The following KLHL34 variants were observed in gnomAD, a reference collection of about 807,000 sequenced individuals.
KLHL34 encodes kelch-like protein 34.
A neutral mutation model predicts 23.8 loss-of-function variants in KLHL34; 24 were observed. The observed-to-expected ratio is 1.01, with a 90% CI of 0.73 to 1.42. KLHL34 has a LOEUF of 1.42. Ranked by LOEUF, KLHL34 falls within the 40% of genes most tolerant of loss-of-function variation. KLHL34 has a pLI of 0.00. For synonymous variants in KLHL34, 303 were observed against 287.9 expected (o/e 1.05, Z -0.53); for missense variants, 652 against 595.1 (o/e 1.10, Z -0.99).
At position 21,656,036 on chromosome X, in the gene KLHL34, G is replaced by A. The variant is rs777962151; in HGVS notation, c.1753C>T (p.Arg585Cys). 7.5e-6 allele frequency: 9 copies of A among 1,195,766 alleles called. No individual in the cohort carries two copies. The East Asian group carries it at 2.4e-4, about 32-fold the overall frequency. The change falls in exon 1 of 1, where the codon CGC becomes TGC. Residue 585 changes from arginine (R) to cysteine (C), a missense_variant. Physicochemically the swap from Arg to Cys is radical, Grantham distance 180. Transcript: ENST00000379499. ...LLGGLKWRDS[R>C]QVPTRNVVGY... The stretch of plus-strand genomic sequence containing the variant: ...ACTACGTTGCGGGTAGGCACCTGGC[G>A]CGAGTCCCGCCACTTGAGGCCGCCC...
In KLHL34 at chrX:21,657,397, C is replaced by T. The variant is rs746297690; in HGVS notation, c.392G>A (p.Cys131Tyr). The T allele has an allele frequency of 1.7e-6, 2 of 1,179,447 alleles. No homozygotes were observed. The highest frequency in any genetic ancestry group is 1.9e-5 in the South Asian group (1 of 53,187). Residue 131 changes from cysteine (C) to tyrosine (Y), a missense_variant, in exon 1 of 1, where the codon TGC becomes TAC. Cys to Tyr is a radical substitution (Grantham distance 194). Coordinates refer to ENST00000379499, the MANE Select transcript of KLHL34 (RefSeq NM_153270.3). Reference sequence around the variant, plus strand: ...CGCTGCCACGTTGGCGGCGAAGCAGCAGTTCTCTGGAGCCAGCTGGCGCTC... The same window carrying T: ...CGCTGCCACGTTGGCGGCGAAGCAGTAGTTCTCTGGAGCCAGCTGGCGCTC... ...YLERQLAPEN[C>Y]CFAANVAARF...
chrX:21,657,132 C>G lies in KLHL34; in HGVS notation c.657G>C (p.Leu219Phe). Reference protein sequence around the residue: ...TTERLAHCTELLERVRFGLVP... With the variant: ...TTERLAHCTEFLERVRFGLVP... The stretch of plus-strand genomic sequence containing the variant: ...CCAGGCCAAAGCGGACACGCTCCAG[C>G]AACTCTGTACAGTGTGCCAGGCGCT... Residue 219 changes from leucine to phenylalanine, a missense_variant, in exon 1 of 1, where the codon TTG (leucine) becomes TTC (phenylalanine). Physicochemically the swap from Leu to Phe is conservative, Grantham distance 22. Coordinates refer to ENST00000379499, the MANE Select transcript of KLHL34 (RefSeq NM_153270.3). 4 of 1,206,359 alleles carry G rather than the reference C, an allele frequency of 3.3e-6. No individual in the cohort carries two copies. Among genetic ancestry groups the G allele is most frequent in the Non-Finnish European group, 4.5e-6 (4 of 894,082 alleles).
In KLHL34 at chrX:21,657,231, G is replaced by A. The variant is rs1268341987; in HGVS notation, c.558C>T (p.Pro186=). 1 of 1,190,573 alleles carries A rather than the reference G, an allele frequency of 8.4e-7. No individual in the cohort carries two copies. The highest frequency in any genetic ancestry group is 1.7e-5 in the African/African-American group (1 of 57,322). The change falls in exon 1 of 1, where the codon CCC becomes CCT. Residue 186 remains proline, a synonymous_variant. Transcript: ENST00000379499. The stretch of plus-strand genomic sequence containing the variant: ...GGGCCTCGGGCACCCGCGCCACGTC[G>A]GGGGCACCCAGTACAGCCCTCAGCG... The part of the protein sequence containing the change: ...PTSLRAVLGA[P]DVARVPEARL...
chrX:21,657,298 C>G lies in KLHL34; in HGVS notation c.491G>C (p.Arg164Pro). The G allele has an allele frequency of 8.7e-7, 1 of 1,153,864 alleles. No individual in the cohort carries two copies. The highest frequency in any genetic ancestry group is 1.2e-6 in the Non-Finnish European group (1 of 869,216). The change falls in exon 1 of 1, where the codon CGG becomes CCG. Residue 164 changes from arginine (R) to proline (P), a missense_variant. Arg to Pro is a moderately radical substitution (Grantham distance 103, BLOSUM62 -2). Transcript: ENST00000379499. The stretch of plus-strand genomic sequence containing the variant: ...CAGGAGTCCCGCGGGGCCCGCGCCC[C>G]GCGCCAGCAGCTCCTGCAAGTGGCT... The part of the protein sequence containing the change: ...IVSHLQELLA[R>P]GAGPAGLLEL...
rs769092621 is a variant in KLHL34, at chrX:21,656,801, A to G, written c.988T>C (p.Trp330Arg). 7 of 1,183,593 alleles carry G rather than the reference A, an allele frequency of 5.9e-6. No homozygotes were observed. The highest frequency in any genetic ancestry group is 2.3e-5 in the Admixed American group (1 of 43,740). Reference protein sequence around the residue: ...ELEEEEEEEEWELTQNVVAFD... With the variant: ...ELEEEEEEEERELTQNVVAFD... ...GCCACCACGTTCTGGGTGAGCTCCC[A>G]CTCCTCCTCCTCCTCCTCTTCCTCC... Residue 330 changes from tryptophan to arginine, a missense_variant, in exon 1 of 1, where the codon TGG becomes CGG. Physicochemically the swap from Trp to Arg is moderately radical, Grantham distance 101. Coordinates refer to ENST00000379499, the MANE Select transcript of KLHL34 (RefSeq NM_153270.3).
rs1276945685 is a variant in KLHL34 at position 21,656,435 on chromosome X, G to T, written c.1354C>A (p.Arg452Ser). 8.4e-7 allele frequency: 1 copy of T among 1,192,522 alleles called. No individual in the cohort carries two copies. Among genetic ancestry groups the T allele is most frequent in the Non-Finnish European group, 1.1e-6 (1 of 887,946 alleles). Residue 452 changes from arginine (R) to serine (S), a missense_variant, in exon 1 of 1, where the codon CGC becomes AGC. Arg to Ser is a moderately radical substitution (Grantham distance 110, BLOSUM62 -1). Coordinates refer to ENST00000379499, the MANE Select transcript of KLHL34 (RefSeq NM_153270.3). ...GGTAGTGCCCCAGCCGCCGTCCAGC[G>T]GTCCCGACGCAGGTCGTACATCTCC... The part of the protein sequence containing the change: ...SVEMYDLRRD[R>S]WTAAGALPRA...
rs1486301548 is a variant in KLHL34, at chrX:21,656,955, G to A, written c.834C>T (p.Pro278=). 3.5e-6 allele frequency: 4 copies of A among 1,157,819 alleles called. No individual in the cohort carries two copies. The African/African-American group carries it at 7.2e-5, about 21-fold the overall frequency. ...MQGEQTSIRS[P]QTRILLVGGR... ...CCCCCACCAACAAGATGCGGGTCTG[G>A]GGGCTCCGGATGCTGGTCTGCTCGC... Residue 278 remains proline, a synonymous_variant, in exon 1 of 1, where the codon CCC becomes CCT. Coordinates refer to ENST00000379499, the MANE Select transcript of KLHL34 (RefSeq NM_153270.3).
rs2092730690 is a variant in KLHL34 at position 21,655,609 on chromosome X, TTTTC to T, written c.*241_*244del. ...AGCCTTGCGTGAGCCTTTCTAAAAA[TTTTC>T]TTTCACCAGCTCACTGAAGTTGATT... On this transcript the variant is annotated 3_prime_UTR_variant, in exon 1 of 1. Transcript: ENST00000379499. 2.8e-6 allele frequency: 1 copy of T among 363,036 alleles called. No homozygotes were observed. 29.9% of individuals were successfully genotyped at this position (363,036 alleles called of 1,213,427 possible). A position where few individuals can be genotyped will look rare whatever the true frequency, so the allele number is the denominator to read the frequency against.
rs1472786623 is a variant in KLHL34, at chrX:21,657,491, C to T, written c.298G>A (p.Glu100Lys). 1 of 1,211,396 alleles carries T rather than the reference C, an allele frequency of 8.3e-7. No individual in the cohort carries two copies. The highest frequency in any genetic ancestry group is 1.8e-5 in the South Asian group (1 of 56,844). Residue 100 changes from glutamate (E) to lysine (K), a missense_variant, in exon 1 of 1, where the codon GAG becomes AAG. Physicochemically the swap from Glu to Lys is moderately conservative, Grantham distance 56. Transcript: ENST00000379499. ...AWLSLSMDTV[E>K]DTLEAASYLQ... ...TAGCTGGCGGCCTCCAGAGTGTCCT[C>T]TACAGTGTCCATGGAAAGCGACAGC...
rs2092733022 is a variant in KLHL34 at position 21,656,516 on chromosome X, C to T, written c.1273G>A (p.Glu425Lys). 2 of 1,194,209 alleles carry T rather than the reference C, an allele frequency of 1.7e-6. No homozygotes were observed. Among genetic ancestry groups the T allele is most frequent in the South Asian group, 1.8e-5 (1 of 54,927 alleles). Reference protein sequence around the residue: ...RAHFWCGAVGERLLAVGGLGA... With the variant: ...RAHFWCGAVGKRLLAVGGLGA... ...AGGCCCCCGACGGCCAGGAGCCTCTCGCCCACCGCGCCGCACCAGAAGTGG... is the reference window on the plus strand; with the variant it reads ...AGGCCCCCGACGGCCAGGAGCCTCTTGCCCACCGCGCCGCACCAGAAGTGG... Residue 425 changes from glutamate to lysine, a missense_variant, in exon 1 of 1, where the codon GAG becomes AAG. By Grantham distance (56) the Glu-to-Lys change is moderately conservative. Coordinates refer to ENST00000379499, the MANE Select transcript of KLHL34 (RefSeq NM_153270.3).
chrX:21,656,407 C>A lies in KLHL34; in HGVS notation c.1382G>T (p.Arg461Leu). 1 of 1,194,598 alleles carries A rather than the reference C, an allele frequency of 8.4e-7. No homozygotes were observed. Among genetic ancestry groups the A allele is most frequent in the South Asian group, 1.8e-5 (1 of 54,738 alleles). Residue 461 changes from arginine to leucine, a missense_variant, in exon 1 of 1, where the codon CGG (arginine) becomes CTG (leucine). Physicochemically the swap from Arg to Leu is moderately radical, Grantham distance 102. Coordinates refer to ENST00000379499, the MANE Select transcript of KLHL34 (RefSeq NM_153270.3). ...GGCCCCCGCGTGACCGTGCAGAGCCCGCGGTAGTGCCCCAGCCGCCGTCCA... is the reference window on the plus strand; with the variant it reads ...GGCCCCCGCGTGACCGTGCAGAGCCAGCGGTAGTGCCCCAGCCGCCGTCCA... ...DRWTAAGALP[R>L]ALHGHAGAVG...
At position 21,658,039 on chromosome X, in the gene KLHL34, T is replaced by G. The variant is rs749569497; in HGVS notation, c.-251A>C. ...CCCCTAGTAACGGAGGGCGCGGAAT[T>G]TGGAGGCTTCCCGGGAGTGTGGGGC... On this transcript the variant is annotated 5_prime_UTR_variant, in exon 1 of 1. Coordinates refer to ENST00000379499, the MANE Select transcript of KLHL34 (RefSeq NM_153270.3). 2.2e-4 allele frequency: 77 copies of G among 342,933 alleles called. No homozygotes were observed. The highest frequency in any genetic ancestry group is 1.8e-3 in the African/African-American group (70 of 38,412). 28.3% of individuals were successfully genotyped at this position (342,933 alleles called of 1,213,427 possible).
rs767416363 is a variant in KLHL34, at chrX:21,656,887, G to A, written c.902C>T (p.Pro301Leu). The A allele has an allele frequency of 1.7e-6, 2 of 1,173,771 alleles. No homozygotes were observed. The highest frequency in any genetic ancestry group is 4.0e-5 in the South Asian group (2 of 50,010). The change falls in exon 1 of 1, where the codon CCG becomes CTG. Residue 301 changes from proline to leucine, a missense_variant. Coordinates refer to ENST00000379499, the MANE Select transcript of KLHL34 (RefSeq NM_153270.3). ...REVVIEEVAA[P>L]QRAARGQVAA... ...GACCTGGCCCCTAGCTGCCCTCTGC[G>A]GGGCCGCGACCTCCTCAATCACCAC...
rs1266556673 is a variant in KLHL34, at chrX:21,656,788, T to A, written c.1001A>T (p.Gln334Leu). The A allele has an allele frequency of 4.2e-6, 5 of 1,195,849 alleles. No homozygotes were observed. Among genetic ancestry groups the A allele is most frequent in the Non-Finnish European group, 5.6e-6 (5 of 887,424 alleles). ...GTACACATCGAAGGCCACCACGTTC[T>A]GGGTGAGCTCCCACTCCTCCTCCTC... ...EEEEEEWELTQNVVAFDVYNH... is the reference protein window; with the variant it reads ...EEEEEEWELTLNVVAFDVYNH... The change falls in exon 1 of 1, where the codon CAG (glutamine) becomes CTG (leucine). Residue 334 changes from glutamine to leucine, a missense_variant. Coordinates refer to ENST00000379499, the MANE Select transcript of KLHL34 (RefSeq NM_153270.3).
rs1482662897 is a variant in KLHL34 at position 21,657,474 on chromosome X, G to A, written c.315C>T (p.Ala105=). The change falls in exon 1 of 1, where the codon GCC becomes GCT. Residue 105 remains alanine (A), a synonymous_variant. Coordinates refer to ENST00000379499, the MANE Select transcript of KLHL34 (RefSeq NM_153270.3). ...SMDTVEDTLE[A]ASYLQVTEAL... ...CCTCAGTGACCTGCAGGTAGCTGGC[G>A]GCCTCCAGAGTGTCCTCTACAGTGT... is the stretch of plus-strand genomic sequence containing the variant. 1.7e-6 allele frequency: 2 copies of A among 1,209,959 alleles called. No individual in the cohort carries two copies. Among genetic ancestry groups the A allele is most frequent in the Non-Finnish European group, 2.2e-6 (2 of 894,838 alleles).
Position 21,656,847 on chromosome X carries a change from G to C in KLHL34, c.942C>G (p.Pro314=), listed in dbSNP as rs1602081820. The change falls in exon 1 of 1, where the codon CCC becomes CCG. Residue 314 remains proline (P), a synonymous_variant. Transcript: ENST00000379499. Reference sequence around the variant, plus strand: ...CCTCCAACTCTTCCTCTTCTTCCTCGGGCTCTGGGGCGGCGACCTGGCCCC... The same window carrying C: ...CCTCCAACTCTTCCTCTTCTTCCTCCGGCTCTGGGGCGGCGACCTGGCCCC... The part of the protein sequence containing the change: ...AARGQVAAPE[P]EEEEEELEEE... The C allele has an allele frequency of 8.4e-7, 1 of 1,185,927 alleles. No individual in the cohort carries two copies. Among genetic ancestry groups the C allele is most frequent in the East Asian group, 3.0e-5 (1 of 33,431 alleles).
At position 21,656,472 on chromosome X, in the gene KLHL34, C is replaced by T; in HGVS notation, c.1317G>A (p.Val439=). 1 of 1,196,245 alleles carries T rather than the reference C, an allele frequency of 8.4e-7. No individual in the cohort carries two copies. The highest frequency in any genetic ancestry group is 1.1e-6 in the Non-Finnish European group (1 of 889,299). The part of the protein sequence containing the change: ...AVGGLGAGGE[V]LASVEMYDLR... ...GGTCGTACATCTCCACCGAGGCCAGCACCTCACCGCCCGCACCCAGGCCCC... is the reference window on the plus strand; with the variant it reads ...GGTCGTACATCTCCACCGAGGCCAGTACCTCACCGCCCGCACCCAGGCCCC... Residue 439 remains valine, a synonymous_variant, in exon 1 of 1, where the codon GTG becomes GTA. Transcript: ENST00000379499.
At position 21,657,538 on chromosome X, in the gene KLHL34, A is replaced by C; in HGVS notation, c.251T>G (p.Leu84Arg). The change falls in exon 1 of 1, where the codon CTG (leucine) becomes CGG (arginine). Residue 84 changes from leucine to arginine, a missense_variant. Leu to Arg is a moderately radical substitution (Grantham distance 102). Coordinates refer to ENST00000379499, the MANE Select transcript of KLHL34 (RefSeq NM_153270.3). ...VPSAAGLQRLLDFIYTAWLSL... is the reference protein window; with the variant it reads ...VPSAAGLQRLRDFIYTAWLSL... ...CAGCCAGGCAGTGTAGATGAAGTCC[A>C]GCAGGCGCTGCAGGCCGGCTGCCGA... 1 of 1,210,860 alleles carries C rather than the reference A, an allele frequency of 8.3e-7. No homozygotes were observed. Among genetic ancestry groups the C allele is most frequent in the Non-Finnish European group, 1.1e-6 (1 of 895,173 alleles).
rs1455329835 is a variant in KLHL34 at position 21,655,962 on chromosome X, C to A, written c.1827G>T (p.Leu609Phe). Residue 609 changes from leucine to phenylalanine, a missense_variant, in exon 1 of 1, where the codon TTG becomes TTT. Physicochemically the swap from Leu to Phe is conservative, Grantham distance 22. Coordinates refer to ENST00000379499, the MANE Select transcript of KLHL34 (RefSeq NM_153270.3). ...LDRWEDIGCA[L>F]PWAWSGLRCA... ...ACCGCAGGCCGCTCCAGGCCCAGGG[C>A]AACGCGCAGCCGATGTCCTCCCAAC... is the stretch of plus-strand genomic sequence containing the variant. The A allele has an allele frequency of 8.3e-7, 1 of 1,209,722 alleles. No homozygotes were observed. The highest frequency in any genetic ancestry group is 1.1e-6 in the Non-Finnish European group (1 of 895,073).
Sources: allele counts gnomAD v4.1 joint callset, GRCh38; gene constraint gnomAD v4.1.1; transcripts MANE v1.5; gene names NCBI Gene and HGNC (gene_info 2026-07-23, HGNC 2026-07-21).